Variants in PTK2 observed in about 807,000 individuals in gnomAD.
The protein encoded by PTK2 is focal adhesion kinase 1.
A neutral mutation model predicts 150.1 loss-of-function variants in PTK2; 45 were observed. The observed-to-expected ratio is 0.30, with a 90% CI of 0.24 to 0.38. The LOEUF (loss-of-function observed/expected upper bound fraction) is 0.38, where lower values mean the gene tolerates loss of function less well. Ranked by LOEUF, PTK2 falls within the 10% of genes least tolerant of loss-of-function variation. The pLI, the probability that PTK2 is intolerant of heterozygous loss-of-function variation, is 1.00. For synonymous variants in PTK2, 432 were observed against 449.2 expected, an observed-to-expected ratio of 0.96 and a Z score of 0.48; for missense variants, 919 against 1,307.3, an observed-to-expected ratio of 0.70 and a Z score of 4.58.
At chr8:140,867,455 C>G (rs566199329) in intron 4 of PTK2, among the ~76,000 whole-genome samples, 7 of 152,084 alleles carry the variant, frequency 4.6e-5, no homozygotes, top group Non-Finnish European at 1.0e-4. Flanking sequence ...CACAATGATA[C>G]GAAGAAAAGG....
At position 140,868,067 on chromosome 8, in the gene PTK2, A is replaced by G. The variant is rs182322354; in HGVS notation, c.363-3668T>C. On this transcript the variant is annotated intron_variant, in intron 4 of 31. Coordinates refer to ENST00000522684, the Ensembl canonical transcript of PTK2. ...CATTCTTTCGTTCCTACTCTTAGGCAATATATTCCTATTCATGCCATTGTC... is the reference window on the plus strand; with the variant it reads ...CATTCTTTCGTTCCTACTCTTAGGCGATATATTCCTATTCATGCCATTGTC... 4.2e-3 allele frequency among the ~76,000 whole-genome samples: 645 copies of G among 152,322 alleles called. 5 individuals carry two copies. Among genetic ancestry groups the G allele is most frequent in the Middle Eastern group, 6.8e-3 (2 of 294 alleles).
chr8:140,840,173 C>T (rs1279222260), intron 7 of PTK2, among the ~76,000 whole-genome samples: 1 of 152,178 alleles, frequency 6.6e-6, no homozygotes, highest in Non-Finnish European at 1.5e-5. Flanking sequence ...ATCCTCCAGC[C>T]TCAGCCTCCC....
intron 23 of PTK2, among the ~76,000 whole-genome samples, chr8:140,711,232 A>G (rs2100036690): frequency 1.3e-5 from 2 of 152,092 alleles, no homozygotes; most frequent in Non-Finnish European, 1.5e-5. Context: ...TCAGCCTCCC[A>G]AATAGCTGGG....
intron 4 of PTK2, among the ~76,000 whole-genome samples, chr8:140,875,740 C>T (rs2100145106): frequency 6.6e-6 from 1 of 152,122 alleles, no homozygotes; most frequent in African/African-American, 2.4e-5. Flanking sequence ...TGGGTTATTC[C>T]ACTAATTTGT....
chr8:140,725,057 TTTTG>T (rs752153433), intron 22 of PTK2, among the ~76,000 whole-genome samples: 4 of 152,258 alleles, frequency 2.6e-5, no homozygotes, highest in Non-Finnish European at 5.9e-5. Flanking sequence ...AAATAAAGTC[TTTTG>T]TTTGGTTATT....
At chr8:140,674,209 C>T (rs2100012255) in intron 29 of PTK2, 89 bp downstream of exon 32, 4 of 1,295,764 alleles carry the variant, frequency 3.1e-6, no homozygotes, top group Non-Finnish European at 4.4e-6. Context: ...AGCACCAACT[C>T]CACTCTATGA....
At chr8:140,927,976 ATAT>A (rs1193588576) in intron 1 of PTK2, among the ~76,000 whole-genome samples, 743 of 36,112 alleles carry the variant, frequency 0.021, 11 homozygotes, top group Non-Finnish European at 0.028. Flanking sequence ...AAAAAAAAAA[ATAT>A]ATATATATAT....
intron 1 of PTK2, among the ~76,000 whole-genome samples, chr8:140,976,076 G>A (rs1055422657): frequency 5.3e-5 from 8 of 152,112 alleles, no homozygotes; most frequent in African/African-American, 1.9e-4. Context: ...TAACCTCAAA[G>A]GCTAAGACCA....
At chr8:140,728,893 T>C (rs955726959) in intron 22 of PTK2, among the ~76,000 whole-genome samples, 13 of 152,160 alleles carry the variant, frequency 8.5e-5, no homozygotes, top group African/African-American at 2.7e-4. Context: ...CTTAGTAACT[T>C]GCCCAAGGCC....
At chr8:140,977,828 T>G (rs1159556796) in intron 1 of PTK2, among the ~76,000 whole-genome samples, 1 of 151,846 alleles carries the variant, frequency 6.6e-6, no homozygotes. Context: ...AAAAAAGAAA[T>G]AAAGCTTATG....
chr8:140,820,263 G>A (rs1312763695), intron 8 of PTK2, among the ~76,000 whole-genome samples: 1 of 151,382 alleles, frequency 6.6e-6, no homozygotes, highest in Non-Finnish European at 1.5e-5. Context: ...ACCACACCTG[G>A]CTAATTTTTG....
At chr8:140,841,014 T>C (rs936101338) in intron 7 of PTK2, among the ~76,000 whole-genome samples, 3 of 152,142 alleles carry the variant, frequency 2.0e-5, no homozygotes, top group Non-Finnish European at 4.4e-5. Flanking sequence ...TGATGCAAAA[T>C]TCAATTTACC....
intron 1 of PTK2, among the ~76,000 whole-genome samples, chr8:140,999,459 C>G (rs2100199156): frequency 6.6e-6 from 1 of 152,152 alleles, no homozygotes; most frequent in African/African-American, 2.4e-5. Flanking sequence ...TTTTCCCCAC[C>G]AAGGATAACC....
intron 14 of PTK2, among the ~76,000 whole-genome samples, chr8:140,787,316 T>C (rs1001183703): frequency 3.3e-5 from 5 of 152,184 alleles, no homozygotes; most frequent in East Asian, 3.8e-4. Flanking sequence ...CTCTGGAACA[T>C]AGTCTCCTCA....
chr8:140,781,427 C>T (rs956490576), intron 14 of PTK2, among the ~76,000 whole-genome samples: 4 of 152,084 alleles, frequency 2.6e-5, no homozygotes, highest in African/African-American at 4.8e-5. Context: ...GACAAAAATA[C>T]ATTTTTGTTT....
intron 3 of PTK2, chr8:140,890,275 A>G (rs2154607380): frequency 2.8e-6 from 1 of 362,418 alleles, no homozygotes; most frequent in East Asian, 5.0e-5. Context: ...GTTAAAAAAA[A>G]AAAAAACCTA....
intron 15 of PTK2, among the ~76,000 whole-genome samples, chr8:140,762,938 G>A (rs969218779): frequency 2.0e-5 from 3 of 151,950 alleles, no homozygotes; most frequent in African/African-American, 4.8e-5. Flanking sequence ...ATGCTACCAC[G>A]CCTGCCTAAT....
intron 4 of PTK2, among the ~76,000 whole-genome samples, chr8:140,874,868 T>G (rs182934680): frequency 6.6e-6 from 1 of 152,198 alleles, no homozygotes; most frequent in East Asian, 1.9e-4. Flanking sequence ...TACACATGCA[T>G]TATCAATATA....
chr8:140,836,569 A>G (rs1484024701), intron 7 of PTK2, among the ~76,000 whole-genome samples: 1 of 152,254 alleles, frequency 6.6e-6, no homozygotes, highest in Non-Finnish European at 1.5e-5. Context: ...CAAATCTACC[A>G]GCACCTCCTT....
Sources: allele counts gnomAD v4.1 joint callset (sites outside exome capture counted in the v4.1 genomes callset), GRCh38; gene constraint gnomAD v4.1.1; transcripts MANE v1.5; gene names NCBI Gene and HGNC (gene_info 2026-07-23, HGNC 2026-07-21).